Variants in THAP5 observed in about 807,000 individuals in gnomAD.
THAP5 encodes the protein THAP domain-containing protein 5.
A neutral mutation model predicts 34.0 loss-of-function variants in THAP5; 26 were observed. The ratio of observed to expected loss-of-function variants is 0.77; its 90% CI spans 0.56 to 1.06. THAP5 has a LOEUF of 1.06. Among genes scored for constraint, THAP5 ranks in the 50% least tolerant of loss-of-function variants. The pLI is 0.00. For synonymous variants in THAP5, 125 were observed against 153.0 expected, an observed-to-expected ratio of 0.82 and a Z score of 1.35; for missense variants, 394 against 452.8, an observed-to-expected ratio of 0.87 and a Z score of 1.18.
rs1444325112 is a variant in THAP5, at chr7:108,563,997, CTT to C, written c.*192_*193del. ...GGAAAATTATCAAGTAATAAAACTG[CTT>C]TTCTCTCCAGCCCAACTCTCTGGTT... On this transcript the variant is annotated 3_prime_UTR_variant, in exon 3 of 3. Transcript: ENST00000415914. 4 of 460,860 alleles carry C rather than the reference CTT, an allele frequency of 8.7e-6. No individual in the cohort carries two copies. The highest frequency in any genetic ancestry group is 6.0e-5 in the African/African-American group (3 of 50,104). The allele number at this position is 460,860 out of a possible 1,614,324, so 28.5% of individuals were successfully genotyped here. A position where few individuals can be genotyped will look rare whatever the true frequency, so the allele number is the denominator to read the frequency against.
downstream of THAP5, among the ~76,000 whole-genome samples, chr7:108,560,070 A>G (rs1864415466): frequency 6.6e-6 from 1 of 152,178 alleles, no homozygotes; most frequent in Non-Finnish European, 1.5e-5. Context: ...TTATGTTAAA[A>G]CTATTTATTA....
intron 2 of THAP5, 98 bp from the exon 3 acceptor site, chr7:108,565,203 G>C: frequency 1.1e-6 from 1 of 946,166 alleles, no homozygotes; most frequent in East Asian, 2.7e-5. Flanking sequence ...CACTGGCCAA[G>C]CAAATTTATT....
downstream of THAP5, among the ~76,000 whole-genome samples, chr7:108,550,240 G>T (rs1348852450): frequency 1.3e-5 from 2 of 152,084 alleles, no homozygotes; most frequent in Admixed American, 6.6e-5. Flanking sequence ...TAGCTAAGAA[G>T]TTTGGAGCTA....
intron 1 of THAP5, among the ~76,000 whole-genome samples, chr7:108,566,542 A>C (rs1790491590): frequency 6.6e-6 from 1 of 152,192 alleles, no homozygotes; most frequent in Admixed American, 6.5e-5. Context: ...ATTTAGCTGA[A>C]AAAGTACTGA....
At chr7:108,569,143 G>A (rs1790553891) in intron 1 of THAP5, 2 of 1,103,300 alleles carry the variant, frequency 1.8e-6, no homozygotes, top group Non-Finnish European at 2.2e-6. Flanking sequence ...TTTCCACTTC[G>A]CAGGTTTCAC....
intron 2 of THAP5, chr7:108,565,611 ATAACT>A (rs964166607): frequency 5.4e-6 from 2 of 370,080 alleles, no homozygotes; most frequent in African/African-American, 4.2e-5. Flanking sequence ...ACTTGTGTTA[ATAACT>A]TAATAATGTA....
In THAP5 at chr7:108,567,433, T is replaced by G. The variant is rs1790509193; in HGVS notation, c.81-1411A>C. 3.3e-5 allele frequency among the ~76,000 whole-genome samples: 5 copies of G among 152,316 alleles called. No homozygotes were observed. In the South Asian group the frequency reaches 1.0e-3, roughly 32 times the overall value. On this transcript the variant is annotated intron_variant, in intron 1 of 2. Transcript: ENST00000415914. The stretch of plus-strand genomic sequence containing the variant: ...TAAATTCATGTATATGGATGCTGTT[T>G]GCAAATTATTTCCATTGTACCTATA...
chr7:108,546,236 T>C, the THAP5 span, among the ~76,000 whole-genome samples: 6 of 152,288 alleles, frequency 3.9e-5, no homozygotes, highest in African/African-American at 1.2e-4. Flanking sequence ...CTGTAAAAAT[T>C]TGAGGGCTTG....
chr7:108,564,907 T>A lies in THAP5; in HGVS notation c.472A>T (p.Ser158Cys), dbSNP rs1327693698. 55 of 1,586,376 alleles carry A rather than the reference T, an allele frequency of 3.5e-5. No homozygotes were observed. The highest frequency in any genetic ancestry group is 4.6e-5 in the Non-Finnish European group (53 of 1,162,748). Residue 158 changes from serine (S) to cysteine (C), a missense_variant, in exon 3 of 3, where the codon AGT becomes TGT. Ser to Cys is a moderately radical substitution (Grantham distance 112). Coordinates refer to ENST00000415914, the MANE Select transcript of THAP5 (RefSeq NM_001130475.3). ...AGAGTTAACATGTTATTTTGTATAC[T>A]TCCTGTTTTGGGAGCTGGTGGCTTT... is the stretch of plus-strand genomic sequence containing the variant. The part of the protein sequence containing the change: ...LVKPPAPKTG[S>C]IQNNMLTLNL...
chr7:108,553,858 T>C (rs975340476), downstream of THAP5, among the ~76,000 whole-genome samples: 2 of 152,176 alleles, frequency 1.3e-5, no homozygotes, highest in Admixed American at 1.3e-4. Flanking sequence ...TGGTTGCCAC[T>C]GAGTGACCAT....
At chr7:108,559,558 A>G (rs40936), downstream of THAP5, among the ~76,000 whole-genome samples, 53,739 of 152,094 alleles carry the variant, frequency 0.35, 10,195 homozygotes, top group African/African-American at 0.46. Context: ...AGTTTTCTAC[A>G]AAAGAGATTG....
chr7:108,565,160 G>T, intron 2 of THAP5, 55 bp from the exon 3 acceptor site: 1 of 1,338,680 alleles, frequency 7.5e-7, no homozygotes, highest in Non-Finnish European at 1.0e-6. Flanking sequence ...GGCTTATTAT[G>T]CTAGTGCTAT....
In THAP5 at chr7:108,555,524, A is replaced by G. The variant is rs549784019; in HGVS notation, n.109-665T>C. The stretch of plus-strand genomic sequence containing the variant: ...AAGGAAAAAGACAGCATAAACTTTA[A>G]TGTTGTATTAGTCTGTGTTCATGCT... On this transcript the variant is annotated intron_variant and non_coding_transcript_variant, in intron 1 of 1. Transcript: ENST00000468884. 2.6e-5 allele frequency among the ~76,000 whole-genome samples: 4 copies of G among 152,100 alleles called. No homozygotes were observed. In the East Asian group the frequency reaches 7.8e-4, roughly 30 times the overall value.
At chr7:108,544,174 C>T in the THAP5 span, among the ~76,000 whole-genome samples, 19 of 152,198 alleles carry the variant, frequency 1.2e-4, no homozygotes, top group African/African-American at 2.6e-4. Flanking sequence ...GTCTACTAAA[C>T]ATTTAAGGAA....
At chr7:108,555,023 A>T (rs1031129178) in intron 1 of THAP5, among the ~76,000 whole-genome samples, 2 of 152,108 alleles carry the variant, frequency 1.3e-5, no homozygotes, top group Admixed American at 6.5e-5. Context: ...TCACTTAAAA[A>T]TTTTCATTAT....
chr7:108,564,567 A>G lies in THAP5; in HGVS notation c.812T>C (p.Val271Ala), dbSNP rs764950503. The G allele has an allele frequency of 6.2e-7, 1 of 1,613,880 alleles. No homozygotes were observed. The highest frequency in any genetic ancestry group is 8.5e-7 in the Non-Finnish European group (1 of 1,179,902). ...VEELNTNKES[V>A]IAIFVPAENS... ...TTCAGCAGGTACAAAAATGGCAATA[A>G]CAGATTCTTTATTTGTGTTTAATTC... The change falls in exon 3 of 3, where the codon GTT (valine) becomes GCT (alanine). Residue 271 changes from valine to alanine, a missense_variant. By Grantham distance (64) the Val-to-Ala change is moderately conservative (BLOSUM62 0). Transcript: ENST00000415914.
intron 1 of THAP5, among the ~76,000 whole-genome samples, chr7:108,556,279 C>T (rs1864385183): frequency 6.6e-6 from 1 of 152,144 alleles, no homozygotes; most frequent in Non-Finnish European, 1.5e-5. Flanking sequence ...CACAATCATG[C>T]CTTCCCAACA....
intron 1 of THAP5, among the ~76,000 whole-genome samples, chr7:108,555,847 C>T (rs1016481140): frequency 4.6e-5 from 7 of 151,590 alleles, no homozygotes; most frequent in African/African-American, 1.2e-4. Flanking sequence ...GGATTACAGG[C>T]GAGCACCACC....
At chr7:108,560,220 T>C (rs1432823069), downstream of THAP5, among the ~76,000 whole-genome samples, 2 of 152,202 alleles carry the variant, frequency 1.3e-5, no homozygotes, top group Non-Finnish European at 2.9e-5. Flanking sequence ...AGGACCTTGT[T>C]TGCAAAGGAG....
Sources: gnomAD v4.1 joint callset for allele counts (sites outside exome capture counted in the v4.1 genomes callset) on GRCh38, gnomAD v4.1.1 for gene constraint, MANE v1.5 for transcripts, NCBI Gene and HGNC (gene_info 2026-07-23, HGNC 2026-07-21) for gene names.